KRT20: variants seen among roughly 807,000 people sequenced by gnomAD.
The protein encoded by KRT20 is keratin 20, also known as keratin, type I cytoskeletal 20.
Under a neutral mutation model 43.0 loss-of-function variants are expected in KRT20, and 41 were observed. That is an observed-to-expected ratio of 0.95 (90% CI 0.74 to 1.24). The LOEUF (loss-of-function observed/expected upper bound fraction) is 1.24, where lower values mean the gene tolerates loss of function less well. Ranked by LOEUF, KRT20 falls within the 50% of genes most tolerant of loss-of-function variation. The pLI, the probability that KRT20 is intolerant of heterozygous loss-of-function variation, is 0.00. For synonymous variants in KRT20, 207 were observed against 200.6 expected, an observed-to-expected ratio of 1.03 and a Z score of -0.27; for missense variants, 533 against 521.2, an observed-to-expected ratio of 1.02 and a Z score of -0.22.
intron 1 of KRT20, among the ~76,000 whole-genome samples, chr17:40,883,995 CA>C (rs1907704796): frequency 6.6e-6 from 1 of 152,180 alleles, no homozygotes; most frequent in Admixed American, 6.5e-5. Context: ...ACACAAATTA[CA>C]GTGAACACTT....
At position 40,880,254 on chromosome 17, in the gene KRT20, T is replaced by G. The variant is rs113550256; in HGVS notation, c.638A>C (p.Asp213Ala). ...LLKKEHQEEV[D>A]GLHKHLGNTV... ...GTTGCCCAGATGCTTGTGTAGGCCA[T>G]CGACTTCCTATGAAAGTGAAATTTC... is the stretch of plus-strand genomic sequence containing the variant. Residue 213 changes from aspartate to alanine, a missense_variant, in exon 4 of 8, where the codon GAT becomes GCT. By Grantham distance (126) the Asp-to-Ala change is moderately radical. Transcript: ENST00000167588. 6.3e-7 allele frequency: 1 copy of G among 1,596,324 alleles called. No homozygotes were observed. Among genetic ancestry groups the G allele is most frequent in the Non-Finnish European group, 8.5e-7 (1 of 1,170,226 alleles).
intron 2 of KRT20, among the ~76,000 whole-genome samples, chr17:40,881,427 T>A (rs1380161091): frequency 6.6e-6 from 1 of 152,112 alleles, no homozygotes; most frequent in Non-Finnish European, 1.5e-5. Context: ...TTTTTTTGTA[T>A]TTTTGTATAG....
At chr17:40,877,275 G>A in intron 7 of KRT20, 105 bp downstream of exon 7, 1 of 761,016 alleles carries the variant, frequency 1.3e-6, no homozygotes, top group Non-Finnish European at 2.2e-6. Flanking sequence ...TGTCACAGCA[G>A]CAGAAAACAG....
intron 7 of KRT20, among the ~76,000 whole-genome samples, chr17:40,876,798 G>A (rs186714958): frequency 1.3e-5 from 2 of 152,304 alleles, no homozygotes; most frequent in African/African-American, 4.8e-5. Context: ...ATTCTGAGGA[G>A]TGTGCCCAAG....
intron 1 of KRT20, 146 bp downstream of exon 1, chr17:40,884,650 T>A: frequency 1.2e-6 from 1 of 827,506 alleles, no homozygotes; most frequent in Non-Finnish European, 1.9e-6. Context: ...ACTCCAGCAC[T>A]AAAGGTAGAT....
chr17:40,878,461 C>A, intron 5 of KRT20, 96 bp from the exon 6 acceptor site: 3 of 872,598 alleles, frequency 3.4e-6, no homozygotes, highest in Admixed American at 2.3e-5. Flanking sequence ...CTCTGCAGTT[C>A]ATCACTGTGG....
chr17:40,884,449 A>G (rs1026514154), intron 1 of KRT20, among the ~76,000 whole-genome samples: 1 of 152,242 alleles, frequency 6.6e-6, no homozygotes, highest in Non-Finnish European at 1.5e-5. Context: ...TGAAAAACTA[A>G]GAGAGATTTA....
intron 5 of KRT20, 53 bp downstream of exon 5, chr17:40,879,760 G>C (rs970865156): frequency 1.2e-6 from 2 of 1,600,392 alleles, no homozygotes; most frequent in African/African-American, 2.7e-5. Context: ...TCCTAACAGA[G>C]GACCTTGGTA....
At chr17:40,883,799 C>T (rs776380015) in intron 1 of KRT20, among the ~76,000 whole-genome samples, 5 of 152,140 alleles carry the variant, frequency 3.3e-5, no homozygotes, top group Non-Finnish European at 5.9e-5. Context: ...TGAGAGCTTG[C>T]GAAGGATGAA....
chr17:40,880,704 A>C lies in KRT20; in HGVS notation c.540T>G (p.Phe180Leu). Residue 180 changes from phenylalanine to leucine, a missense_variant, in exon 3 of 8, where the codon TTT becomes TTG. Transcript: ENST00000167588. ...EADLQGLNKV[F>L]DDLTLHKTDL... is the part of the protein sequence containing the mutation. ...CTGTTTTATGTAGGGTTAGGTCATC[A>C]AAGACCTTATTCAGGCCTTGGAGAT... 1 of 1,607,966 alleles carries C rather than the reference A, an allele frequency of 6.2e-7. No individual in the cohort carries two copies. Among genetic ancestry groups the C allele is most frequent in the Non-Finnish European group, 8.5e-7 (1 of 1,177,048 alleles).
At chr17:40,876,498 T>C in intron 7 of KRT20, 40 bp from the exon 8 acceptor site, 1 of 1,138,832 alleles carries the variant, frequency 8.8e-7, no homozygotes. Flanking sequence ...TTCAGGCACA[T>C]GACTCTGCTG....
intron 1 of KRT20, among the ~76,000 whole-genome samples, chr17:40,883,944 G>C (rs764072008): frequency 1.3e-5 from 2 of 152,164 alleles, no homozygotes; most frequent in Non-Finnish European, 2.9e-5. Flanking sequence ...CAGACTTGCT[G>C]GTAAGTAAAT....
chr17:40,885,035 G>A lies in KRT20; in HGVS notation c.151C>T (p.His51Tyr). The A allele has an allele frequency of 6.2e-7, 1 of 1,614,186 alleles. No homozygotes were observed. Among genetic ancestry groups the A allele is most frequent in the South Asian group, 1.1e-5 (1 of 91,082 alleles). Residue 51 changes from histidine (H) to tyrosine (Y), a missense_variant, in exon 1 of 8, where the codon CAC (histidine) becomes TAC (tyrosine). Physicochemically the swap from His to Tyr is moderately conservative, Grantham distance 83 (BLOSUM62 2). Coordinates refer to ENST00000167588, the MANE Select transcript of KRT20 (RefSeq NM_019010.3). The part of the protein sequence containing the change: ...GRGIRISNSR[H>Y]TVNYGSDLTG... ...AGATCGCTCCCATAGTTCACCGTGT[G>A]TCTGGAGTTGGAGATGCGGATGCCC...
intron 2 of KRT20, among the ~76,000 whole-genome samples, chr17:40,882,072 C>T (rs1305966517): frequency 6.6e-6 from 1 of 152,046 alleles, no homozygotes; most frequent in Non-Finnish European, 1.5e-5. Flanking sequence ...CTTTGGTTGG[C>T]CAGACCATCC....
At chr17:40,882,709 A>G in intron 1 of KRT20, 55 bp from the exon 2 acceptor site, 1 of 618,322 alleles carries the variant, frequency 1.6e-6, no homozygotes, top group Non-Finnish European at 2.2e-6. Flanking sequence ...TTATTTATTT[A>G]TTTATTTATT....
intron 1 of KRT20, among the ~76,000 whole-genome samples, chr17:40,884,404 A>T (rs1907718792): frequency 6.6e-6 from 1 of 152,208 alleles, no homozygotes; most frequent in Non-Finnish European, 1.5e-5. Context: ...AAGTCTTTGA[A>T]TTTACTGGGG....
At chr17:40,879,236 G>A (rs2143301300) in intron 5 of KRT20, among the ~76,000 whole-genome samples, 1 of 152,326 alleles carries the variant, frequency 6.6e-6, no homozygotes, top group Admixed American at 6.5e-5. Flanking sequence ...GGCCACTGTG[G>A]TTTGAGGGAT....
chr17:40,882,438 C>T (rs1001089216), intron 2 of KRT20, 134 bp downstream of exon 2: 2 of 351,526 alleles, frequency 5.7e-6, no homozygotes, highest in African/African-American at 2.2e-5. Flanking sequence ...AGCTTCTAAC[C>T]TCCTTTAGGC....
chr17:40,878,473 C>T lies in KRT20; in HGVS notation c.919-108G>A, dbSNP rs192817761. ...GGTCTCTGCAGTTCATCACTGTGGG[C>T]ATGGTGTATATTTCTAGCTCCATCT... On this transcript the variant is annotated intron_variant, in intron 5 of 7. Coordinates refer to ENST00000167588, the MANE Select transcript of KRT20 (RefSeq NM_019010.3). 2,311 of 792,648 alleles carry T rather than the reference C, an allele frequency of 2.9e-3. 15 individuals are homozygous for T. Among genetic ancestry groups the T allele is most frequent in the Middle Eastern group, 0.014 (38 of 2,700 alleles). 49.1% of individuals were successfully genotyped at this position (792,648 alleles called of 1,614,324 possible).
Sources: gnomAD v4.1 joint callset for allele counts (sites outside exome capture counted in the v4.1 genomes callset) on GRCh38, gnomAD v4.1.1 for gene constraint, MANE v1.5 for transcripts, NCBI Gene and HGNC (gene_info 2026-07-23, HGNC 2026-07-21) for gene names.